Variants in PBXIP1 observed in about 807,000 individuals in gnomAD.
The protein encoded by PBXIP1 is pre-B-cell leukemia transcription factor-interacting protein 1.
A neutral mutation model predicts 73.7 loss-of-function variants in PBXIP1; 73 were observed. That is an observed-to-expected ratio of 0.99 (90% CI 0.82 to 1.20). The LOEUF is 1.20. Ranked by LOEUF, PBXIP1 falls within the 50% of genes most tolerant of loss-of-function variation. The pLI, the probability that PBXIP1 is intolerant of heterozygous loss-of-function variation, is 0.00. For missense variants in PBXIP1, 818 were observed against 911.4 expected (o/e 0.90, Z 1.32); for synonymous variants, 330 against 366.9 (o/e 0.90, Z 1.15).
intron 9 of PBXIP1, 34 bp from the exon 10 acceptor site, chr1:154,946,837 A>G (rs201107165): frequency 3.8e-5 from 57 of 1,507,516 alleles, no homozygotes; most frequent in Non-Finnish European, 4.6e-5. Flanking sequence ...GAAGTCACAA[A>G]GAGTTCTTGT....
chr1:154,954,698 A>G (rs1271671252), intron 1 of PBXIP1, among the ~76,000 whole-genome samples: 2 of 152,334 alleles, frequency 1.3e-5, no homozygotes, highest in East Asian at 1.9e-4. Context: ...AGGGGAGGGA[A>G]TCACTCCAGT....
Position 154,945,603 on chromosome 1 carries a change from G to A in PBXIP1, c.2071C>T (p.His691Tyr), listed in dbSNP as rs202217654. 1.9e-6 allele frequency: 3 copies of A among 1,613,774 alleles called. No homozygotes were observed. Among genetic ancestry groups the A allele is most frequent in the South Asian group, 1.1e-5 (1 of 91,068 alleles). ...VDDFEDFIFS[H>Y]FFGDKALKKR... ...TTCAGTGCTTTGTCTCCAAAGAAGT[G>A]GCTGAAGATGAAGTCCTCAAAGTCA... Residue 691 changes from histidine (H) to tyrosine (Y), a missense_variant, in exon 10 of 11, where the codon CAC becomes TAC. His to Tyr is a moderately conservative substitution (Grantham distance 83). Coordinates refer to ENST00000368463, the MANE Select transcript of PBXIP1 (RefSeq NM_020524.4).
At chr1:154,953,937 C>A (rs1482120347) in intron 1 of PBXIP1, among the ~76,000 whole-genome samples, 180 bp from the exon 2 acceptor site, 5 of 152,280 alleles carry the variant, frequency 3.3e-5, no homozygotes, top group Non-Finnish European at 7.4e-5. Flanking sequence ...CCTTGCAAAT[C>A]AGAATCTGCC....
chr1:154,952,083 T>C (rs2101988459), intron 2 of PBXIP1, among the ~76,000 whole-genome samples, 162 bp from the exon 3 acceptor site: 1 of 152,280 alleles, frequency 6.6e-6, no homozygotes, highest in South Asian at 2.1e-4. Flanking sequence ...GGAGGAACTT[T>C]CAGGGGCCAG....
intron 5 of PBXIP1, among the ~76,000 whole-genome samples, chr1:154,948,848 A>G (rs1302851438): frequency 6.6e-6 from 1 of 152,120 alleles, no homozygotes; most frequent in Non-Finnish European, 1.5e-5. Flanking sequence ...ATGAGTCCTT[A>G]GTGTGTAACT....
intron 5 of PBXIP1, among the ~76,000 whole-genome samples, chr1:154,948,767 G>T (rs954755292): frequency 5.9e-5 from 9 of 152,000 alleles, no homozygotes; most frequent in African/African-American, 2.2e-4. Flanking sequence ...ACCATTTCAG[G>T]TTCTCTGCTC....
rs772350583 is a variant in PBXIP1 at position 154,946,199 on chromosome 1, T to C, written c.1475A>G (p.His492Arg). ...QRDRKAEHWKHKKEESGRERK... is the reference protein window; with the variant it reads ...QRDRKAEHWKRKKEESGRERK... ...TTCCCGGCCAGATTCTTCCTTCTTATGTTTCCAGTGCTCAGCCTTCCGGTC... is the reference window on the plus strand; with the variant it reads ...TTCCCGGCCAGATTCTTCCTTCTTACGTTTCCAGTGCTCAGCCTTCCGGTC... Residue 492 changes from histidine (H) to arginine (R), a missense_variant, in exon 10 of 11, where the codon CAT (histidine) becomes CGT (arginine). His to Arg is a conservative substitution (Grantham distance 29, BLOSUM62 0). Coordinates refer to ENST00000368463, the MANE Select transcript of PBXIP1 (RefSeq NM_020524.4). 11 of 1,614,170 alleles carry C rather than the reference T, an allele frequency of 6.8e-6. No individual in the cohort carries two copies. Among genetic ancestry groups the C allele is most frequent in the East Asian group, 4.5e-5 (2 of 44,882 alleles).
chr1:154,953,660 G>T lies in PBXIP1; in HGVS notation c.51+11C>A. ...CCCCACCCCCATGGTTCCCAGGCCC[G>T]CTCTTCCTACCTCGGAGCCAGCAAG... On this transcript the variant is annotated intron_variant, in intron 2 of 10. Transcript: ENST00000368463. 1 of 1,573,300 alleles carries T rather than the reference G, an allele frequency of 6.4e-7. No homozygotes were observed. Among genetic ancestry groups the T allele is most frequent in the Non-Finnish European group, 8.7e-7 (1 of 1,143,596 alleles).
Position 154,951,483 on chromosome 1 carries a change from C to A in PBXIP1, c.231G>T (p.Glu77Asp). Residue 77 changes from glutamate to aspartate, a missense_variant, in exon 4 of 11, where the codon GAG becomes GAT. Transcript: ENST00000368463. This position sits in a 1 kb window ranked among gnomAD's most constrained non-coding sequence, Gnocchi z 4.3. ...CAAATCTCCTCACCTTGACCTCAGT[C>A]TCCTCTGTTAGAATGCTGCCAGACT... is the stretch of plus-strand genomic sequence containing the variant. ...SPQSGSILTE[E>D]TEVKGTLEGD... is the part of the protein sequence containing the mutation. 1 of 1,614,128 alleles carries A rather than the reference C, an allele frequency of 6.2e-7. No individual in the cohort carries two copies. The highest frequency in any genetic ancestry group is 8.5e-7 in the Non-Finnish European group (1 of 1,179,990).
intron 2 of PBXIP1, among the ~76,000 whole-genome samples, chr1:154,952,752 C>T (rs1048708213): frequency 3.9e-4 from 60 of 152,156 alleles, no homozygotes; most frequent in African/African-American, 1.4e-3. Context: ...TCAACAAAGA[C>T]ACCTCAACAG....
intron 7 of PBXIP1, 123 bp from the exon 8 acceptor site, chr1:154,947,835 G>GCCA: frequency 7.3e-7 from 1 of 1,363,688 alleles, no homozygotes; most frequent in South Asian, 1.2e-5. Flanking sequence ...GCGGTTTGGT[G>GCCA]AGATAAAGGG....
In PBXIP1 at chr1:154,945,926, C is replaced by A. The variant is rs199769816; in HGVS notation, c.1748G>T (p.Arg583Leu). The stretch of plus-strand genomic sequence containing the variant: ...CACACCTGAGCAGCCCTGGGGTGCC[C>A]GGTACTTGGGCCTCAACAGCTCTGC... ...SWAELLRPKY[R>L]APQGCSGVDE... Residue 583 changes from arginine to leucine, a missense_variant, in exon 10 of 11, where the codon CGG becomes CTG. Coordinates refer to ENST00000368463, the MANE Select transcript of PBXIP1 (RefSeq NM_020524.4). 1 of 1,614,200 alleles carries A rather than the reference C, an allele frequency of 6.2e-7. No homozygotes were observed. The highest frequency in any genetic ancestry group is 8.5e-7 in the Non-Finnish European group (1 of 1,180,004).
intron 1 of PBXIP1, among the ~76,000 whole-genome samples, chr1:154,953,986 A>C (rs1354715633): frequency 1.3e-5 from 2 of 152,200 alleles, no homozygotes; most frequent in African/African-American, 4.8e-5. Flanking sequence ...AGGGACCAAC[A>C]GGGCCTTGGA....
chr1:154,948,340 A>G lies in PBXIP1; in HGVS notation c.436T>C (p.Ser146Pro). The change falls in exon 6 of 11, where the codon TCC (serine) becomes CCC (proline). Residue 146 changes from serine to proline, a missense_variant. Ser to Pro is a moderately conservative substitution (Grantham distance 74). Transcript: ENST00000368463. ...ACGTCGGTGTCATCGTCACTGCTGG[A>G]GCAGCGGCCCTCCTCCCTGATCCAA... ...AAWIREEGRC[S>P]SSDDDTDVDM... is the part of the protein sequence containing the mutation. The G allele has an allele frequency of 6.2e-7, 1 of 1,603,488 alleles. No homozygotes were observed. Among genetic ancestry groups the G allele is most frequent in the South Asian group, 1.1e-5 (1 of 89,484 alleles).
Position 154,946,584 on chromosome 1 carries a change from T to C in PBXIP1, c.1090A>G (p.Lys364Glu), listed in dbSNP as rs761338724. ...CTGGGGCCTTGCTCCCTGATGGCCTTGTCACCCTGTGGGCCTCTACCCCCA... is the reference window on the plus strand; with the variant it reads ...CTGGGGCCTTGCTCCCTGATGGCCTCGTCACCCTGTGGGCCTCTACCCCCA... ...LSGGRGPQGD[K>E]AIREQGPREQ... The change falls in exon 10 of 11, where the codon AAG (lysine) becomes GAG (glutamate). Residue 364 changes from lysine to glutamate, a missense_variant. Transcript: ENST00000368463. 9 of 1,612,942 alleles carry C rather than the reference T, an allele frequency of 5.6e-6. No homozygotes were observed. The highest frequency in any genetic ancestry group is 7.6e-6 in the Non-Finnish European group (9 of 1,179,812).
At chr1:154,949,407 G>A (rs1407125963) in intron 5 of PBXIP1, among the ~76,000 whole-genome samples, 1 of 151,990 alleles carries the variant, frequency 6.6e-6, no homozygotes, top group Non-Finnish European at 1.5e-5. Context: ...TCAAACTCCT[G>A]AGCTCAAGTG....
chr1:154,945,493 TCAAA>T lies in PBXIP1; in HGVS notation c.2102+75_2102+78del, dbSNP rs1654771061. Reference sequence around the variant, plus strand: ...AGCTGGGGACCAAAAGTAAGGATACTCAAACTAATGATCCTTGCTCTTCACATCC... The same window carrying T: ...AGCTGGGGACCAAAAGTAAGGATACTCTAATGATCCTTGCTCTTCACATCC... On this transcript the variant is annotated intron_variant, in intron 10 of 10. Coordinates refer to ENST00000368463, the MANE Select transcript of PBXIP1 (RefSeq NM_020524.4). 6 of 1,438,144 alleles carry T rather than the reference TCAAA, an allele frequency of 4.2e-6. No homozygotes were observed. The Admixed American group carries it at 9.9e-5, about 24-fold the overall frequency. 89.1% of individuals were successfully genotyped at this position (1,438,144 alleles called of 1,614,324 possible). A position where few individuals can be genotyped will look rare whatever the true frequency, so the allele number is the denominator to read the frequency against.
Position 154,948,239 on chromosome 1 carries a change from C to A in PBXIP1, c.537G>T (p.Glu179Asp). ...CTGCACCCTCACCCCCAGCCTGGTT[C>A]TCCACAGCCAGGGGCACCATGGGCT... Reference protein sequence around the residue: ...PPQPMVPLAVENQAGGEGAGG... With the variant: ...PPQPMVPLAVDNQAGGEGAGG... The change falls in exon 6 of 11, where the codon GAG (glutamate) becomes GAT (aspartate). Residue 179 changes from glutamate to aspartate, a missense_variant. Glu to Asp is a conservative substitution (Grantham distance 45). Coordinates refer to ENST00000368463, the MANE Select transcript of PBXIP1 (RefSeq NM_020524.4). The A allele has an allele frequency of 6.2e-7, 1 of 1,612,526 alleles. No homozygotes were observed. The highest frequency in any genetic ancestry group is 8.5e-7 in the Non-Finnish European group (1 of 1,179,394).
At chr1:154,950,260 C>T (rs1316892179) in intron 5 of PBXIP1, 1 of 152,350 alleles carries the variant, frequency 6.6e-6, no homozygotes, top group Admixed American at 6.5e-5. Flanking sequence ...CTTCTGACCT[C>T]AGGTGATCCA....
Sources: allele counts gnomAD v4.1 joint callset (sites outside exome capture counted in the v4.1 genomes callset), GRCh38; gene constraint gnomAD v4.1.1; non-coding constraint Gnocchi (gnomAD v3.1); transcripts MANE v1.5; gene names NCBI Gene and HGNC (gene_info 2026-07-23, HGNC 2026-07-21).